ACTR2: variants seen among roughly 807,000 people sequenced by gnomAD.
ACTR2 encodes actin-related protein 2.
In ACTR2, 5 loss-of-function variants were observed where a neutral mutation model predicts 50.2. That is an observed-to-expected ratio of 0.10 (90% CI 0.05 to 0.21). The LOEUF (loss-of-function observed/expected upper bound fraction) is 0.21. ACTR2 is among the 10% of genes least tolerant of loss of function. The pLI, the probability that ACTR2 is intolerant of heterozygous loss-of-function variation, is 1.00. For synonymous variants in ACTR2, 140 were observed against 162.9 expected (o/e 0.86, Z 1.07); for missense variants, 180 against 480.6 (o/e 0.37, Z 5.85).
intron 8 of ACTR2, 101 bp from the exon 9 acceptor site, chr2:65,268,463 G>GT: frequency 9.7e-7 from 1 of 1,034,796 alleles, no homozygotes; most frequent in East Asian, 2.6e-5. Context: ...TTACAGGACT[G>GT]TTGCAAGTTT....
intron 5 of ACTR2, among the ~76,000 whole-genome samples, chr2:65,255,220 A>G (rs1217341831): frequency 6.6e-6 from 1 of 152,222 alleles, no homozygotes; most frequent in Non-Finnish European, 1.5e-5. Context: ...GTCCAGTACT[A>G]AAATAATATT....
intron 6 of ACTR2, 146 bp downstream of exon 6, chr2:65,255,840 C>T (rs1672139653): frequency 3.4e-6 from 2 of 581,950 alleles, no homozygotes; most frequent in South Asian, 4.8e-5. Context: ...ATGTCTCTTT[C>T]TACATTAAGT....
intron 4 of ACTR2, 147 bp from the exon 5 acceptor site, chr2:65,253,581 A>G (rs2104007143): frequency 1.3e-6 from 1 of 770,824 alleles, no homozygotes; most frequent in African/African-American, 1.8e-5. Context: ...CTTATGCATT[A>G]GAAACAAACT....
At chr2:65,232,271 T>G (rs757730431) in intron 1 of ACTR2, among the ~76,000 whole-genome samples, 2 of 152,174 alleles carry the variant, frequency 1.3e-5, no homozygotes, top group Non-Finnish European at 2.9e-5. Flanking sequence ...ACCAACAAAA[T>G]GAAGGTTTCT....
intron 4 of ACTR2, among the ~76,000 whole-genome samples, chr2:65,253,283 A>C (rs1558625950): frequency 6.6e-6 from 1 of 152,060 alleles, no homozygotes; most frequent in South Asian, 2.1e-4. Flanking sequence ...CTACAAAAAA[A>C]TTACAAAAAT....
At chr2:65,267,333 AG>A (rs1672392418) in intron 8 of ACTR2, among the ~76,000 whole-genome samples, 1 of 152,218 alleles carries the variant, frequency 6.6e-6, no homozygotes, top group Non-Finnish European at 1.5e-5. Context: ...TCACAAAAAA[AG>A]TTTGCTGACC....
intron 1 of ACTR2, among the ~76,000 whole-genome samples, chr2:65,231,887 G>A (rs2103979263): frequency 6.6e-6 from 1 of 152,294 alleles, no homozygotes; most frequent in South Asian, 2.1e-4. Flanking sequence ...AATGTTTTAA[G>A]AAAGTTTGTG....
chr2:65,246,797 AAATTTTCT>A (rs1671946480), intron 3 of ACTR2, 58 bp downstream of exon 3: 1 of 274,318 alleles, frequency 3.6e-6, no homozygotes, highest in Non-Finnish European at 5.2e-6. Context: ...GTTAAATCAA[AAATTTTCT>A]TACTGTTGCT....
Position 65,269,464 on chromosome 2 carries a change from C to G in ACTR2, c.*730C>G, listed in dbSNP as rs1672447532. 1.3e-5 allele frequency: 2 copies of G among 152,090 alleles called. No individual in the cohort carries two copies. The highest frequency in any genetic ancestry group is 4.8e-5 in the African/African-American group (2 of 41,406). The allele number at this position is 152,090 out of a possible 1,614,324, so 9.4% of individuals were successfully genotyped here. A position where few individuals can be genotyped will look rare whatever the true frequency, so the allele number is the denominator to read the frequency against. Reference sequence around the variant, plus strand: ...AGCTGTTTCCATATGATATAAAAAGCAAGTGTAGTATTCCATTACTATGTG... The same window carrying G: ...AGCTGTTTCCATATGATATAAAAAGGAAGTGTAGTATTCCATTACTATGTG... On this transcript the variant is annotated 3_prime_UTR_variant, in exon 9 of 9. Transcript: ENST00000260641.
At chr2:65,240,220 T>C (rs1671815072) in intron 2 of ACTR2, among the ~76,000 whole-genome samples, 1 of 152,238 alleles carries the variant, frequency 6.6e-6, no homozygotes, top group Admixed American at 6.5e-5. Context: ...ATTACATTAA[T>C]GTGAAACGCT....
rs1573170072 is a variant in ACTR2 at position 65,263,846 on chromosome 2, GA to G, written c.882-1196del. On this transcript the variant is annotated intron_variant, in intron 7 of 8. Transcript: ENST00000260641. Reference sequence around the variant, plus strand: ...CGAGGCCGGCGAATCACGAGGTCAGGAGTTCAAGACCAGTCTGGCCAAAATG... The same window carrying G: ...CGAGGCCGGCGAATCACGAGGTCAGGGTTCAAGACCAGTCTGGCCAAAATG... 2.0e-5 allele frequency among the ~76,000 whole-genome samples: 3 copies of G among 151,906 alleles called. No individual in the cohort carries two copies. The East Asian group carries it at 5.8e-4, about 29-fold the overall frequency.
rs1672433499 is a variant in ACTR2 at position 65,268,827 on chromosome 2, GCC to G, written c.*94_*95del. 7.7e-7 allele frequency: 1 copy of G among 1,306,756 alleles called. No individual in the cohort carries two copies. Among genetic ancestry groups the G allele is most frequent in the African/African-American group, 1.5e-5 (1 of 67,072 alleles). The allele number at this position is 1,306,756 out of a possible 1,614,324, so 80.9% of individuals were successfully genotyped here. On this transcript the variant is annotated 3_prime_UTR_variant, in exon 9 of 9. Transcript: ENST00000260641. ...CATTCAACTCCAGGACATGGAAGAG[GCC>G]TCTCTCTGCCCTTTGACTGGAAAGG...
chr2:65,263,349 A>G (rs547214499), intron 7 of ACTR2, among the ~76,000 whole-genome samples: 12 of 139,242 alleles, frequency 8.6e-5, no homozygotes, highest in African/African-American at 2.4e-4. Flanking sequence ...CCATTTGTCT[A>G]TTGCTCTTAG....
At chr2:65,258,218 T>C (rs1672189129) in intron 6 of ACTR2, among the ~76,000 whole-genome samples, 1 of 152,170 alleles carries the variant, frequency 6.6e-6, no homozygotes, top group African/African-American at 2.4e-5. Flanking sequence ...AAACTAGGAA[T>C]GTAAAACATG....
At position 65,251,402 on chromosome 2, in the gene ACTR2, C is replaced by T. The variant is rs561743762; in HGVS notation, c.448+303C>T. Among the ~76,000 whole-genome samples the T allele has an allele frequency of 5.9e-5, 9 of 152,166 alleles. No individual in the cohort carries two copies. The East Asian group carries it at 1.7e-3, about 29-fold the overall frequency. ...TTGAGACAGATTTTCGCTTTTGTTG[C>T]CCAGGCCGGAGTGCAATAGTGCAAT... On this transcript the variant is annotated intron_variant, in intron 4 of 8. Coordinates refer to ENST00000260641, the MANE Select transcript of ACTR2 (RefSeq NM_005722.4).
chr2:65,241,358 A>G (rs1671837762), intron 2 of ACTR2, among the ~76,000 whole-genome samples: 1 of 152,198 alleles, frequency 6.6e-6, no homozygotes, highest in Non-Finnish European at 1.5e-5. Context: ...TTTGCAACAT[A>G]GGCACAAATA....
At chr2:65,260,037 T>G (rs1672236743) in intron 6 of ACTR2, among the ~76,000 whole-genome samples, 1 of 152,228 alleles carries the variant, frequency 6.6e-6, no homozygotes, top group Non-Finnish European at 1.5e-5. Context: ...TAGGACCTAG[T>G]AGGATACAAC....
At chr2:65,245,268 C>T (rs988737313) in intron 2 of ACTR2, among the ~76,000 whole-genome samples, 1 of 151,714 alleles carries the variant, frequency 6.6e-6, no homozygotes, top group Non-Finnish European at 1.5e-5. Context: ...GCCTGTAATC[C>T]CAACACTTTG....
Position 65,231,330 on chromosome 2 carries a change from A to G in ACTR2, c.48+3373A>G, listed in dbSNP as rs1260034178. On this transcript the variant is annotated intron_variant, in intron 1 of 8. Coordinates refer to ENST00000260641, the MANE Select transcript of ACTR2 (RefSeq NM_005722.4). ...AATGCTGTAATAGTTCTGAGTATGT[A>G]GAGGACTAGGAACCGCTTAGATTGT... Among the ~76,000 whole-genome samples the G allele has an allele frequency of 2.6e-5, 4 of 152,368 alleles. No homozygotes were observed. In the East Asian group the frequency reaches 7.7e-4, roughly 29 times the overall value.
Sources: allele counts gnomAD v4.1 joint callset (sites outside exome capture counted in the v4.1 genomes callset), GRCh38; gene constraint gnomAD v4.1.1; transcripts MANE v1.5; gene names NCBI Gene and HGNC (gene_info 2026-07-23, HGNC 2026-07-21).